Variants in HECW2 observed in about 807,000 individuals in gnomAD.
HECW2 encodes the protein HECT, C2 and WW domain containing E3 ubiquitin protein ligase 2.
Under a neutral mutation model 175.2 loss-of-function variants are expected in HECW2, and 61 were observed. That is an observed-to-expected ratio of 0.35 (90% confidence interval 0.28 to 0.43). The LOEUF is 0.43. HECW2 is among the 20% of genes least tolerant of loss of function. The pLI is 1.00. For missense variants in HECW2, 1,524 were observed against 2,000.5 expected, an observed-to-expected ratio of 0.76 and a Z score of 4.54; for synonymous variants, 671 against 731.0, an observed-to-expected ratio of 0.92 and a Z score of 1.32.
rs1422638099 is a variant in HECW2 at position 196,320,217 on chromosome 2, G to A, written c.985+122C>T. Reference sequence around the variant, plus strand: ...AATTTCAGCAGGTAATTATTTGACAGCTATTTTACTTTCAAAACAGAACAT... The same window carrying A: ...AATTTCAGCAGGTAATTATTTGACAACTATTTTACTTTCAAAACAGAACAT... On this transcript the variant is annotated intron_variant, in intron 8 of 28. Coordinates refer to ENST00000644978, the MANE Select transcript of HECW2 (RefSeq NM_001348768.2). 3 of 677,556 alleles carry A rather than the reference G, an allele frequency of 4.4e-6. No individual in the cohort carries two copies. The East Asian group carries it at 8.2e-5, about 19-fold the overall frequency. 42.0% of individuals were successfully genotyped at this position (677,556 alleles called of 1,614,324 possible).
chr2:196,270,805 G>A (rs13013346), intron 17 of HECW2, among the ~76,000 whole-genome samples: 28,159 of 151,846 alleles, frequency 0.19, 2,848 homozygotes, highest in East Asian at 0.23. Context: ...AGGTTCAAGC[G>A]ATTCTCCTGC....
chr2:196,577,452 T>G (rs187417129), intron 1 of HECW2, among the ~76,000 whole-genome samples: 2 of 152,132 alleles, frequency 1.3e-5, no homozygotes, highest in African/African-American at 4.8e-5. Flanking sequence ...CTATTAGACC[T>G]GATGTTGGGG....
chr2:196,544,450 C>A (rs544989742), intron 1 of HECW2, among the ~76,000 whole-genome samples: 43 of 152,318 alleles, frequency 2.8e-4, no homozygotes, highest in African/African-American at 9.1e-4. Context: ...CCTCCCCTTT[C>A]ACAGCGTACA....
At chr2:196,282,329 G>A (rs753196903) in intron 14 of HECW2, among the ~76,000 whole-genome samples, 2 of 152,178 alleles carry the variant, frequency 1.3e-5, no homozygotes, top group Non-Finnish European at 2.9e-5. Flanking sequence ...GAACCATGGT[G>A]ATTGTTGAGG....
intron 1 of HECW2, among the ~76,000 whole-genome samples, chr2:196,468,012 GT>G (rs1369732394): frequency 6.6e-6 from 1 of 152,022 alleles, no homozygotes; most frequent in Non-Finnish European, 1.5e-5. Flanking sequence ...TCTCCCAGTT[GT>G]TTCTTTTTTT....
chr2:196,307,534 CAATT>C (rs1483578869), intron 11 of HECW2, among the ~76,000 whole-genome samples: 1 of 152,092 alleles, frequency 6.6e-6, no homozygotes, highest in Non-Finnish European at 1.5e-5. Flanking sequence ...TGTTCCACAG[CAATT>C]AATTCTTGAA....
intron 2 of HECW2, among the ~76,000 whole-genome samples, chr2:196,408,406 T>C (rs1230105989): frequency 6.6e-6 from 1 of 152,234 alleles, no homozygotes; most frequent in African/African-American, 2.4e-5. Context: ...TGATCATCTG[T>C]AGGGTCGTTC....
rs1225057127 is a variant in HECW2, at chr2:196,271,357, C to T, written c.3239-68G>A. 2.5e-6 allele frequency: 3 copies of T among 1,186,030 alleles called. No homozygotes were observed. In the Admixed American group the frequency reaches 6.0e-5, roughly 24 times the overall value. The allele number at this position is 1,186,030 out of a possible 1,614,324, so 73.5% of individuals were successfully genotyped here. ...TATTTTTAGTTTTATGTATATAAAT[C>T]CAAACCTGTGTGCCCCACCGGGTTC... On this transcript the variant is annotated intron_variant, in intron 16 of 28. Coordinates refer to ENST00000644978, the MANE Select transcript of HECW2 (RefSeq NM_001348768.2).
At position 196,215,825 on chromosome 2, in the gene HECW2, A is replaced by G. The variant is rs781574219; in HGVS notation, c.4607+40T>C. ...ATATACATAAATGAATGTCTCCACC[A>G]AATGTTGTGACAGTAAAGAAATGTT... On this transcript the variant is annotated intron_variant, in intron 28 of 28. Transcript: ENST00000644978. The G allele has an allele frequency of 1.7e-5, 23 of 1,377,308 alleles. 1 individual carries two copies. The South Asian group carries it at 2.6e-4, about 15-fold the overall frequency. The allele number at this position is 1,377,308 out of a possible 1,614,324, so 85.3% of individuals were successfully genotyped here.
In HECW2 at chr2:196,334,432, C is replaced by T. The variant is rs1033043233; in HGVS notation, c.487G>A (p.Ala163Thr). 3.1e-6 allele frequency: 5 copies of T among 1,607,024 alleles called. No individual in the cohort carries two copies. The highest frequency in any genetic ancestry group is 1.7e-6 in the Non-Finnish European group (2 of 1,176,880). ...CAGCGAGGGGCACTCACCATCACAGCTGGGTTCTTCACGGTGATGCAGGGG... is the reference window on the plus strand; with the variant it reads ...CAGCGAGGGGCACTCACCATCACAGTTGGGTTCTTCACGGTGATGCAGGGG... Reference protein sequence around the residue: ...TTPCITVKNPAVMMGAEGMEG... With the variant: ...TTPCITVKNPTVMMGAEGMEG... The change falls in exon 4 of 29, where the codon GCT (alanine) becomes ACT (threonine). Residue 163 changes from alanine to threonine, a missense_variant. By Grantham distance (58) the Ala-to-Thr change is moderately conservative (BLOSUM62 0). Coordinates refer to ENST00000644978, the MANE Select transcript of HECW2 (RefSeq NM_001348768.2).
In HECW2 at chr2:196,409,012, A is replaced by C. The variant is rs1240835827; in HGVS notation, c.292+24120T>G. Among the ~76,000 whole-genome samples the C allele has an allele frequency of 2.0e-5, 3 of 152,204 alleles. No homozygotes were observed. The East Asian group carries it at 5.8e-4, about 29-fold the overall frequency. ...GGAGTCTATTGTTAACTTTTTCAGG[A>C]AACTTGCAAGCTGGTTGTTAGATGT... On this transcript the variant is annotated intron_variant, in intron 2 of 28. Coordinates refer to ENST00000644978, the MANE Select transcript of HECW2 (RefSeq NM_001348768.2).
intron 1 of HECW2, among the ~76,000 whole-genome samples, chr2:196,470,083 A>G (rs1040363760): frequency 3.9e-5 from 6 of 152,174 alleles, no homozygotes; most frequent in African/African-American, 1.4e-4. Context: ...TCACAGAAAA[A>G]AATTCGCATA....
rs1420167937 is a variant in HECW2, at chr2:196,227,984, C to G, written c.3917+118G>C. 1.9e-5 allele frequency: 17 copies of G among 910,974 alleles called. No homozygotes were observed. In the East Asian group the frequency reaches 4.2e-4, roughly 23 times the overall value. The allele number at this position is 910,974 out of a possible 1,614,324, so 56.4% of individuals were successfully genotyped here. A position where few individuals can be genotyped will look rare whatever the true frequency, so the allele number is the denominator to read the frequency against. ...AACAAGAGTCAAATGAGGTATTTAA[C>G]TGAAAATATGACTTTGCCCAAGGGA... On this transcript the variant is annotated intron_variant, in intron 22 of 28. Coordinates refer to ENST00000644978, the MANE Select transcript of HECW2 (RefSeq NM_001348768.2).
intron 1 of HECW2, among the ~76,000 whole-genome samples, chr2:196,533,143 C>T (rs1688898840): frequency 1.3e-5 from 2 of 152,146 alleles, no homozygotes; most frequent in African/African-American, 4.8e-5. Flanking sequence ...AGATGCTTAG[C>T]TACTATGTTT....
chr2:196,360,920 G>T (rs750802311), intron 2 of HECW2, among the ~76,000 whole-genome samples: 7 of 152,032 alleles, frequency 4.6e-5, no homozygotes, highest in Non-Finnish European at 1.0e-4. Flanking sequence ...CATTCTAGTG[G>T]GTAATTCTTT....
At chr2:196,476,641 A>C (rs1050956368) in intron 1 of HECW2, among the ~76,000 whole-genome samples, 1 of 152,156 alleles carries the variant, frequency 6.6e-6, no homozygotes. Context: ...TTTTTAATCC[A>C]CAAGACATTA....
intron 19 of HECW2, among the ~76,000 whole-genome samples, chr2:196,252,360 G>GT (rs944055405): frequency 4.6e-5 from 7 of 151,778 alleles, no homozygotes; most frequent in African/African-American, 1.7e-4. Context: ...ACCTGATATG[G>GT]TTTTTTTGGA....
At chr2:196,489,586 T>G (rs185826784) in intron 1 of HECW2, among the ~76,000 whole-genome samples, 24 of 152,278 alleles carry the variant, frequency 1.6e-4, no homozygotes, top group African/African-American at 5.3e-4. Context: ...CCCTGGCGTG[T>G]GAAGGAACAG....
chr2:196,341,702 AC>A (rs1692758071), intron 3 of HECW2, among the ~76,000 whole-genome samples: 2 of 152,216 alleles, frequency 1.3e-5, no homozygotes, highest in African/African-American at 4.8e-5. Context: ...CTTAAAAATG[AC>A]ATTTCTTTTA....
Sources: allele counts gnomAD v4.1 joint callset (sites outside exome capture counted in the v4.1 genomes callset), GRCh38; gene constraint gnomAD v4.1.1; transcripts MANE v1.5; gene names NCBI Gene and HGNC (gene_info 2026-07-23, HGNC 2026-07-21).